Variants in KCTD11 observed in about 807,000 individuals in gnomAD.
KCTD11 encodes potassium channel tetramerization domain containing 11.
A neutral mutation model predicts 10.7 loss-of-function variants in KCTD11; 8 were observed. That is an observed-to-expected ratio of 0.74 (90% confidence interval 0.44 to 1.34). The LOEUF is 1.34. KCTD11 is among the 40% of genes most tolerant of loss of function. The pLI, the probability that KCTD11 is intolerant of heterozygous loss-of-function variation, is 0.01. For synonymous variants in KCTD11, 153 were observed against 160.8 expected, an observed-to-expected ratio of 0.95 and a Z score of 0.37; for missense variants, 346 against 356.1, an observed-to-expected ratio of 0.97 and a Z score of 0.23.
rs763370629 is a variant in KCTD11, at chr17:7,352,992, A to C, written c.167A>C (p.Asn56Thr). The C allele has an allele frequency of 6.2e-7, 1 of 1,608,620 alleles. No individual in the cohort carries two copies. Among genetic ancestry groups the C allele is most frequent in the Non-Finnish European group, 8.5e-7 (1 of 1,176,286 alleles). The stretch of plus-strand genomic sequence containing the variant: ...GGCACCCCCATGCCCCCCAACCTCA[A>C]TTCCCAAGGAGGCGGCCACTACTTC... The change falls in exon 1 of 1, where the codon AAT (asparagine) becomes ACT (threonine). Residue 56 changes from asparagine (N) to threonine (T), a missense_variant. Physicochemically the swap from Asn to Thr is moderately conservative, Grantham distance 65. Coordinates refer to ENST00000333751, the MANE Select transcript of KCTD11 (RefSeq NM_001363642.1). The surrounding 1 kb of genome is among the most constrained non-coding windows in gnomAD (Gnocchi z 4.5).
rs975847123 is a variant in KCTD11, at chr17:7,353,155, C to T, written c.330C>T (p.Asp110=). The T allele has an allele frequency of 2.5e-6, 4 of 1,613,220 alleles. No homozygotes were observed. Among genetic ancestry groups the T allele is most frequent in the Middle Eastern group, 1.7e-4 (1 of 6,048 alleles). ...TCTACCAGATCCGGCCCCTCCTGGA[C>T]GCGCTGCGGGAACTGGAGGCCTCTC... Residue 110 remains aspartate (D), a synonymous_variant, in exon 1 of 1, where the codon GAC becomes GAT. Coordinates refer to ENST00000333751, the MANE Select transcript of KCTD11 (RefSeq NM_001363642.1). This position sits in a 1 kb window ranked among gnomAD's most constrained non-coding sequence, Gnocchi z 4.9.
Position 7,353,259 on chromosome 17 carries a change from G to A in KCTD11, c.434G>A (p.Arg145His), listed in dbSNP as rs761434096. The A allele has an allele frequency of 6.2e-7, 1 of 1,613,806 alleles. No individual in the cohort carries two copies. Among genetic ancestry groups the A allele is most frequent in the Non-Finnish European group, 8.5e-7 (1 of 1,180,044 alleles). The change falls in exon 1 of 1, where the codon CGC (arginine) becomes CAC (histidine). Residue 145 changes from arginine (R) to histidine (H), a missense_variant. Arg to His is a conservative substitution (Grantham distance 29, BLOSUM62 0). Coordinates refer to ENST00000333751, the MANE Select transcript of KCTD11 (RefSeq NM_001363642.1). The surrounding 1 kb of genome is among the most constrained non-coding windows in gnomAD (Gnocchi z 4.9). ...CCCCGCCTGGTGCACTTCTCTGCTC[G>A]CCGGGGACCCCATCACTATGAGCTG...
chr17:7,353,937 C>T lies in KCTD11; in HGVS notation c.*296C>T, dbSNP rs1403799919. The T allele has an allele frequency of 2.9e-6, 1 of 349,464 alleles. No individual in the cohort carries two copies. Among genetic ancestry groups the T allele is most frequent in the Non-Finnish European group, 5.5e-6 (1 of 183,122 alleles). 21.6% of individuals were successfully genotyped at this position (349,464 alleles called of 1,614,324 possible). ...TGATTTGGAGCTCAGTGTTTAAGGG[C>T]TTGGAAAAGGGGGGAACATCTCTTT... is the stretch of plus-strand genomic sequence containing the variant. On this transcript the variant is annotated 3_prime_UTR_variant, in exon 1 of 1. Transcript: ENST00000333751. This position sits in a 1 kb window ranked among gnomAD's most constrained non-coding sequence, Gnocchi z 4.9.
rs564892714 is a variant in KCTD11, at chr17:7,353,998, T to C, written c.*357T>C. ...GACCTAGCAAAACCCTGGAAGGATA[T>C]TGAGGTCTGGGGAAAAGGGAGGACT... On this transcript the variant is annotated 3_prime_UTR_variant, in exon 1 of 1. Transcript: ENST00000333751. This position sits in a 1 kb window ranked among gnomAD's most constrained non-coding sequence, Gnocchi z 4.9. The C allele has an allele frequency of 1.0e-3, 227 of 227,404 alleles. 2 individuals carry two copies. The highest frequency in any genetic ancestry group is 4.3e-3 in the African/African-American group (187 of 43,692). 14.1% of individuals were successfully genotyped at this position (227,404 alleles called of 1,614,324 possible).
rs140386538 is a variant in KCTD11 at position 7,354,817 on chromosome 17, T to A, written c.*1176T>A. On this transcript the variant is annotated 3_prime_UTR_variant, in exon 1 of 1. Transcript: ENST00000333751. ...GGGGAGGAGATGGGAAGGGATGGGA[T>A]TTCTGGGTCCCAGAGCGGGTGGGAT... 1 of 204,518 alleles carries A rather than the reference T, an allele frequency of 4.9e-6. No homozygotes were observed. The highest frequency in any genetic ancestry group is 1.1e-5 in the Non-Finnish European group (1 of 91,936). 12.7% of individuals were successfully genotyped at this position (204,518 alleles called of 1,614,324 possible). A position where few individuals can be genotyped will look rare whatever the true frequency, so the allele number is the denominator to read the frequency against.
rs2073426245 is a variant in KCTD11 at position 7,352,888 on chromosome 17, G to C, written c.63G>C (p.Val21=). The C allele has an allele frequency of 6.8e-7, 1 of 1,462,564 alleles. No individual in the cohort carries two copies. Among genetic ancestry groups the C allele is most frequent in the Non-Finnish European group, 9.2e-7 (1 of 1,084,240 alleles). The allele number at this position is 1,462,564 out of a possible 1,614,324, so 90.6% of individuals were successfully genotyped here. The change falls in exon 1 of 1, where the codon GTG becomes GTC. Residue 21 remains valine, a synonymous_variant. Transcript: ENST00000333751. The surrounding 1 kb of genome is among the most constrained non-coding windows in gnomAD (Gnocchi z 4.5). Reference sequence around the variant, plus strand: ...TTGGGGGCCCCGTGACCCTGAATGTGGGGGGCACACTATATTCCACCACTT... The same window carrying C: ...TTGGGGGCCCCGTGACCCTGAATGTCGGGGGCACACTATATTCCACCACTT...
chr17:7,353,817 G>A lies in KCTD11; in HGVS notation c.*176G>A, dbSNP rs1423416838. 7 of 614,358 alleles carry A rather than the reference G, an allele frequency of 1.1e-5. No homozygotes were observed. In the Admixed American group the frequency reaches 2.3e-4, roughly 20 times the overall value. 38.1% of individuals were successfully genotyped at this position (614,358 alleles called of 1,614,324 possible). ...TGAGCCCACCAAGGACTCACAAGTG[G>A]TCCAGAAGGTCTCAACCTGTGCTGA... On this transcript the variant is annotated 3_prime_UTR_variant, in exon 1 of 1. Transcript: ENST00000333751. This position sits in a 1 kb window ranked among gnomAD's most constrained non-coding sequence, Gnocchi z 4.9.
Position 7,353,023 on chromosome 17 carries a change from C to T in KCTD11, c.198C>T (p.Asp66=). 5 of 1,613,362 alleles carry T rather than the reference C, an allele frequency of 3.1e-6. No individual in the cohort carries two copies. Among genetic ancestry groups the T allele is most frequent in the Non-Finnish European group, 4.2e-6 (5 of 1,179,710 alleles). Residue 66 remains aspartate, a synonymous_variant, in exon 1 of 1, where the codon GAC becomes GAT. Coordinates refer to ENST00000333751, the MANE Select transcript of KCTD11 (RefSeq NM_001363642.1). The surrounding 1 kb of genome is among the most constrained non-coding windows in gnomAD (Gnocchi z 4.9). ...AAGGAGGCGGCCACTACTTCATCGA[C>T]CGGGATGGCAAGGCCTTCCGGCACA...
In KCTD11 at chr17:7,354,909, C is replaced by T; in HGVS notation, c.*1268C>T. 2.4e-6 allele frequency: 1 copy of T among 408,228 alleles called. No individual in the cohort carries two copies. Among genetic ancestry groups the T allele is most frequent in the Non-Finnish European group, 4.6e-6 (1 of 219,186 alleles). 25.3% of individuals were successfully genotyped at this position (408,228 alleles called of 1,614,324 possible). ...ATTATTTCTCACTGGTCATGATTTA[C>T]AAGAAGAAAAATAAAACTGCTTTTG... On this transcript the variant is annotated 3_prime_UTR_variant, in exon 1 of 1. Transcript: ENST00000333751.
chr17:7,353,614 C>T lies in KCTD11; in HGVS notation c.789C>T (p.Ser263=), dbSNP rs1199262497. 6.6e-7 allele frequency: 1 copy of T among 1,522,406 alleles called. No homozygotes were observed. The highest frequency in any genetic ancestry group is 8.8e-7 in the Non-Finnish European group (1 of 1,136,346). The allele number at this position is 1,522,406 out of a possible 1,614,324, so 94.3% of individuals were successfully genotyped here. A position where few individuals can be genotyped will look rare whatever the true frequency, so the allele number is the denominator to read the frequency against. The stretch of plus-strand genomic sequence containing the variant: ...CCGACCCCGAAGACCTGCTCAACTC[C>T]AGGTCTCTGCGCTTTGTCCGGCACT... The change falls in exon 1 of 1, where the codon TCC becomes TCT. Residue 263 remains serine (S), a synonymous_variant. Transcript: ENST00000333751. The surrounding 1 kb of genome is among the most constrained non-coding windows in gnomAD (Gnocchi z 4.9).
rs2073443677 is a variant in KCTD11, at chr17:7,353,792, T to C, written c.*151T>C. 2.6e-6 allele frequency: 2 copies of C among 758,142 alleles called. No homozygotes were observed. Among genetic ancestry groups the C allele is most frequent in the Non-Finnish European group, 4.1e-6 (2 of 490,682 alleles). The allele number at this position is 758,142 out of a possible 1,614,324, so 47.0% of individuals were successfully genotyped here. On this transcript the variant is annotated 3_prime_UTR_variant, in exon 1 of 1. Coordinates refer to ENST00000333751, the MANE Select transcript of KCTD11 (RefSeq NM_001363642.1). The surrounding 1 kb of genome is among the most constrained non-coding windows in gnomAD (Gnocchi z 4.9). Reference sequence around the variant, plus strand: ...AGATGTGGGCAGGAATTCCCAAACCTGAGCCCACCAAGGACTCACAAGTGG... The same window carrying C: ...AGATGTGGGCAGGAATTCCCAAACCCGAGCCCACCAAGGACTCACAAGTGG...
At position 7,352,785 on chromosome 17, in the gene KCTD11, C is replaced by T; in HGVS notation, c.-41C>T. 1.6e-6 allele frequency: 1 copy of T among 620,070 alleles called. No individual in the cohort carries two copies. Among genetic ancestry groups the T allele is most frequent in the South Asian group, 2.0e-5 (1 of 50,158 alleles). 38.4% of individuals were successfully genotyped at this position (620,070 alleles called of 1,614,324 possible). ...CAATTCTGCACACACCCAGGAAGTT[C>T]TGCCTTTTCTTTTCTTTCGGTGTCT... On this transcript the variant is annotated 5_prime_UTR_variant, in exon 1 of 1. Transcript: ENST00000333751. This position sits in a 1 kb window ranked among gnomAD's most constrained non-coding sequence, Gnocchi z 4.5.
chr17:7,353,059 C>T lies in KCTD11; in HGVS notation c.234C>T (p.Phe78=), dbSNP rs753515050. Residue 78 remains phenylalanine, a synonymous_variant, in exon 1 of 1, where the codon TTC becomes TTT. Coordinates refer to ENST00000333751, the MANE Select transcript of KCTD11 (RefSeq NM_001363642.1). The surrounding 1 kb of genome is among the most constrained non-coding windows in gnomAD (Gnocchi z 4.9). ...AGGCCTTCCGGCACATCCTCAATTT[C>T]CTGAGGCTGGGCCGCCTGGACCTGC... 3.7e-6 allele frequency: 6 copies of T among 1,613,532 alleles called. No homozygotes were observed. In the South Asian group the frequency reaches 5.5e-5, roughly 15 times the overall value.
Position 7,353,070 on chromosome 17 carries a change from G to C in KCTD11, c.245G>C (p.Gly82Ala). ...CACATCCTCAATTTCCTGAGGCTGGGCCGCCTGGACCTGCCCCGTGGGTAC... is the reference window on the plus strand; with the variant it reads ...CACATCCTCAATTTCCTGAGGCTGGCCCGCCTGGACCTGCCCCGTGGGTAC... Residue 82 changes from glycine to alanine, a missense_variant, in exon 1 of 1, where the codon GGC (glycine) becomes GCC (alanine). Physicochemically the swap from Gly to Ala is moderately conservative, Grantham distance 60. Coordinates refer to ENST00000333751, the MANE Select transcript of KCTD11 (RefSeq NM_001363642.1). The surrounding 1 kb of genome is among the most constrained non-coding windows in gnomAD (Gnocchi z 4.9). 1 of 1,613,544 alleles carries C rather than the reference G, an allele frequency of 6.2e-7. No homozygotes were observed. The highest frequency in any genetic ancestry group is 8.5e-7 in the Non-Finnish European group (1 of 1,179,896).
Position 7,352,832 on chromosome 17 carries a change from C to T in KCTD11, c.7C>T (p.Pro3Ser). 1.3e-6 allele frequency: 1 copy of T among 792,958 alleles called. No homozygotes were observed. The highest frequency in any genetic ancestry group is 1.7e-5 in the South Asian group (1 of 60,138). The allele number at this position is 792,958 out of a possible 1,614,324, so 49.1% of individuals were successfully genotyped here. ...GTCTCCTGTACTTCCCAAAATTTCTCCTCCTCCTGTGCCCTCTTCGCCCCC... is the reference window on the plus strand; with the variant it reads ...GTCTCCTGTACTTCCCAAAATTTCTTCTCCTCCTGTGCCCTCTTCGCCCCC... The change falls in exon 1 of 1, where the codon CCT becomes TCT. Residue 3 changes from proline (P) to serine (S), a missense_variant. By Grantham distance (74) the Pro-to-Ser change is moderately conservative. Transcript: ENST00000333751. The surrounding 1 kb of genome is among the most constrained non-coding windows in gnomAD (Gnocchi z 4.5).
In KCTD11 at chr17:7,352,835, C is replaced by T. The variant is rs2073425774; in HGVS notation, c.10C>T (p.Pro4Ser). 4 of 814,008 alleles carry T rather than the reference C, an allele frequency of 4.9e-6. No homozygotes were observed. The Admixed American group carries it at 9.3e-5, about 19-fold the overall frequency. 50.4% of individuals were successfully genotyped at this position (814,008 alleles called of 1,614,324 possible). A position where few individuals can be genotyped will look rare whatever the true frequency, so the allele number is the denominator to read the frequency against. Residue 4 changes from proline to serine, a missense_variant, in exon 1 of 1, where the codon CCT becomes TCT. Physicochemically the swap from Pro to Ser is moderately conservative, Grantham distance 74. Transcript: ENST00000333751. This position sits in a 1 kb window ranked among gnomAD's most constrained non-coding sequence, Gnocchi z 4.5. The stretch of plus-strand genomic sequence containing the variant: ...TCCTGTACTTCCCAAAATTTCTCCT[C>T]CTCCTGTGCCCTCTTCGCCCCCCTC...
rs2073443323 is a variant in KCTD11, at chr17:7,353,768, G to C, written c.*127G>C. On this transcript the variant is annotated 3_prime_UTR_variant, in exon 1 of 1. Coordinates refer to ENST00000333751, the MANE Select transcript of KCTD11 (RefSeq NM_001363642.1). This position sits in a 1 kb window ranked among gnomAD's most constrained non-coding sequence, Gnocchi z 4.9. ...CTCTCCTGCACCTGACTGGAGCTCA[G>C]ATGTGGGCAGGAATTCCCAAACCTG... 2 of 946,930 alleles carry C rather than the reference G, an allele frequency of 2.1e-6. No homozygotes were observed. The highest frequency in any genetic ancestry group is 4.5e-5 in the South Asian group (2 of 44,776). 58.7% of individuals were successfully genotyped at this position (946,930 alleles called of 1,614,324 possible). A position where few individuals can be genotyped will look rare whatever the true frequency, so the allele number is the denominator to read the frequency against.
rs1430998216 is a variant in KCTD11 at position 7,353,795 on chromosome 17, G to GC, written c.*157dup. ...TGTGGGCAGGAATTCCCAAACCTGA[G>GC]CCCACCAAGGACTCACAAGTGGTCC... On this transcript the variant is annotated 3_prime_UTR_variant, in exon 1 of 1. Transcript: ENST00000333751. This position sits in a 1 kb window ranked among gnomAD's most constrained non-coding sequence, Gnocchi z 4.9. 1.4e-6 allele frequency: 1 copy of GC among 738,522 alleles called. No homozygotes were observed. Among genetic ancestry groups the GC allele is most frequent in the Non-Finnish European group, 2.1e-6 (1 of 473,074 alleles). 45.7% of individuals were successfully genotyped at this position (738,522 alleles called of 1,614,324 possible). A position where few individuals can be genotyped will look rare whatever the true frequency, so the allele number is the denominator to read the frequency against.
At position 7,353,522 on chromosome 17, in the gene KCTD11, C is replaced by T; in HGVS notation, c.697C>T (p.Pro233Ser). 6.3e-7 allele frequency: 1 copy of T among 1,583,500 alleles called. No homozygotes were observed. Among genetic ancestry groups the T allele is most frequent in the Non-Finnish European group, 8.6e-7 (1 of 1,162,562 alleles). The change falls in exon 1 of 1, where the codon CCA (proline) becomes TCA (serine). Residue 233 changes from proline (P) to serine (S), a missense_variant. Coordinates refer to ENST00000333751, the MANE Select transcript of KCTD11 (RefSeq NM_001363642.1). This position sits in a 1 kb window ranked among gnomAD's most constrained non-coding sequence, Gnocchi z 4.9. Reference sequence around the variant, plus strand: ...AGAGCGGCGGGAGGTGGTGGGCACCCCAAGCTTCCTGGAGGAGGTGCTGCG... The same window carrying T: ...AGAGCGGCGGGAGGTGGTGGGCACCTCAAGCTTCCTGGAGGAGGTGCTGCG...
Sources: allele counts gnomAD v4.1 joint callset, GRCh38; gene constraint gnomAD v4.1.1; non-coding constraint Gnocchi (gnomAD v3.1); transcripts MANE v1.5; gene names NCBI Gene and HGNC (gene_info 2026-07-23, HGNC 2026-07-21).